The following LY6L variants were observed in gnomAD, a reference collection of about 807,000 sequenced individuals.
LY6L encodes lymphocyte antigen 6 family member L.
Under a neutral mutation model 8.3 loss-of-function variants are expected in LY6L, and 8 were observed. The observed-to-expected ratio is 0.97, with a 90% confidence interval of 0.57 to 1.74. The LOEUF (loss-of-function observed/expected upper bound fraction) is 1.74. LY6L is among the 40% of genes most tolerant of loss of function. The probability of loss-of-function intolerance (pLI) is 0.00; values close to 1 mark genes in which losing one functional copy is unlikely to be tolerated. For missense variants in LY6L, 156 were observed against 183.8 expected (o/e 0.85, Z 0.87); for synonymous variants, 79 against 77.9 (o/e 1.01, Z -0.07).
rs1439144209 is a variant in LY6L at position 143,082,432 on chromosome 8, T to C, written c.198T>C (p.Ser66=). ...SNEVVVSFKW[S]VRVLLSKRCA... is the part of the protein sequence containing the mutation. Reference sequence around the variant, plus strand: ...CTCTCCTCTTTTCTGCAGAATGGAGTGTACGCGTCCTGCTCAGCAAACGCT... The same window carrying C: ...CTCTCCTCTTTTCTGCAGAATGGAGCGTACGCGTCCTGCTCAGCAAACGCT... The change falls in exon 4 of 4, where the codon AGT becomes AGC. Residue 66 remains serine, a synonymous_variant. Transcript: ENST00000562505. 2.0e-6 allele frequency: 3 copies of C among 1,533,058 alleles called. No homozygotes were observed. The highest frequency in any genetic ancestry group is 2.6e-6 in the Non-Finnish European group (3 of 1,144,970). 95.0% of individuals were successfully genotyped at this position (1,533,058 alleles called of 1,614,324 possible). A position where few individuals can be genotyped will look rare whatever the true frequency, so the allele number is the denominator to read the frequency against.
chr8:143,082,863 A>G lies in LY6L; in HGVS notation c.*212A>G. ...TGCTGGAGAACCCCAAGGATTCAGC[A>G]ACTGCTCCTCCTGGGGAAGGACAGT... On this transcript the variant is annotated 3_prime_UTR_variant, in exon 4 of 4. Coordinates refer to ENST00000562505, the MANE Select transcript of LY6L (RefSeq NM_001368160.2). The G allele has an allele frequency of 1.9e-6, 1 of 517,992 alleles. No homozygotes were observed. Among genetic ancestry groups the G allele is most frequent in the Non-Finnish European group, 3.4e-6 (1 of 293,266 alleles). 32.1% of individuals were successfully genotyped at this position (517,992 alleles called of 1,614,324 possible). A position where few individuals can be genotyped will look rare whatever the true frequency, so the allele number is the denominator to read the frequency against.
rs1820410812 is a variant in LY6L at position 143,080,703 on chromosome 8, A to AG, written c.-19+47dup. 8 of 254,004 alleles carry AG rather than the reference A, an allele frequency of 3.1e-5. No homozygotes were observed. The East Asian group carries it at 6.4e-4, about 20-fold the overall frequency. 15.7% of individuals were successfully genotyped at this position (254,004 alleles called of 1,614,324 possible). A position where few individuals can be genotyped will look rare whatever the true frequency, so the allele number is the denominator to read the frequency against. ...GGACTGTGGGCCGGGGGCTGGGATG[A>AG]GGGTCGGGCGAGAACGGGCTCCGAG... On this transcript the variant is annotated intron_variant, in intron 1 of 3. Coordinates refer to ENST00000562505, the MANE Select transcript of LY6L (RefSeq NM_001368160.2).
chr8:143,080,777 G>T (rs929588410), intron 1 of LY6L, 118 bp downstream of exon 1: 20 of 457,264 alleles, frequency 4.4e-5, no homozygotes, highest in Non-Finnish European at 4.6e-5. Flanking sequence ...AGGGCCCAGG[G>T]AGAGGGAATG....
In LY6L at chr8:143,083,291, C is replaced by T. The variant is rs1820467864; in HGVS notation, c.*640C>T. Among the ~76,000 whole-genome samples the T allele has an allele frequency of 6.6e-6, 1 of 152,270 alleles. No individual in the cohort carries two copies. The highest frequency in any genetic ancestry group is 2.4e-5 in the African/African-American group (1 of 41,536). ...GGCCCCTTGCATGAGGCCCCTTGCCCTGAATGCTGTCCAGGACCCTTCGAG... is the reference window on the plus strand; with the variant it reads ...GGCCCCTTGCATGAGGCCCCTTGCCTTGAATGCTGTCCAGGACCCTTCGAG... On this transcript the variant is annotated 3_prime_UTR_variant, in exon 4 of 4. Transcript: ENST00000562505.
rs1434615634 is a variant in LY6L at position 143,082,671 on chromosome 8, C to T, written c.*20C>T. 6.9e-7 allele frequency: 1 copy of T among 1,439,920 alleles called. No homozygotes were observed. The highest frequency in any genetic ancestry group is 2.6e-5 in the Admixed American group (1 of 38,390). The allele number at this position is 1,439,920 out of a possible 1,614,324, so 89.2% of individuals were successfully genotyped here. A position where few individuals can be genotyped will look rare whatever the true frequency, so the allele number is the denominator to read the frequency against. The stretch of plus-strand genomic sequence containing the variant: ...TTGTGAGGGCCCTCCCTTTACGCCC[C>T]CTCCTGGCCCTGCTGGCCCATCCCG... On this transcript the variant is annotated 3_prime_UTR_variant, in exon 4 of 4. Transcript: ENST00000562505.
chr8:143,083,409 A>G lies in LY6L; in HGVS notation c.*758A>G. 6.6e-6 allele frequency among the ~76,000 whole-genome samples: 1 copy of G among 152,142 alleles called. No homozygotes were observed. The highest frequency in any genetic ancestry group is 1.9e-4 in the East Asian group (1 of 5,186). On this transcript the variant is annotated 3_prime_UTR_variant, in exon 4 of 4. Coordinates refer to ENST00000562505, the MANE Select transcript of LY6L (RefSeq NM_001368160.2). Reference sequence around the variant, plus strand: ...TGCCCAAGGGAAACCCAGGAAGGATAACACTGTGGGTGCCCCCACCTGTGC... The same window carrying G: ...TGCCCAAGGGAAACCCAGGAAGGATGACACTGTGGGTGCCCCCACCTGTGC...
intron 1 of LY6L, 72 bp from the exon 2 acceptor site, chr8:143,080,964 T>C (rs1293785452): frequency 1.7e-6 from 2 of 1,175,826 alleles, no homozygotes; most frequent in Admixed American, 4.3e-5. Flanking sequence ...TAAAGCCCCG[T>C]CCGGGAGCAG....
rs1820455160 is a variant in LY6L, at chr8:143,082,786, T to C, written c.*135T>C. Reference sequence around the variant, plus strand: ...CTCTGAGGTGGTGGGGAGGGTGCCATTGCCTCCATCCCGGATCTAGCCACC... The same window carrying C: ...CTCTGAGGTGGTGGGGAGGGTGCCACTGCCTCCATCCCGGATCTAGCCACC... On this transcript the variant is annotated 3_prime_UTR_variant, in exon 4 of 4. Transcript: ENST00000562505. The C allele has an allele frequency of 2.8e-5, 21 of 749,056 alleles. No individual in the cohort carries two copies. Among genetic ancestry groups the C allele is most frequent in the Admixed American group, 6.3e-5 (2 of 31,536 alleles). 46.4% of individuals were successfully genotyped at this position (749,056 alleles called of 1,614,324 possible).
chr8:143,081,805 T>C (rs567686521), intron 3 of LY6L, among the ~76,000 whole-genome samples: 29 of 152,290 alleles, frequency 1.9e-4, no homozygotes, highest in African/African-American at 7.0e-4. Flanking sequence ...TAATGCTACA[T>C]AATACAACAT....
At chr8:143,081,358 C>T in intron 3 of LY6L, 31 bp downstream of exon 3, 1 of 1,390,512 alleles carries the variant, frequency 7.2e-7, no homozygotes, top group South Asian at 1.4e-5. Context: ...GGGCAGGTGC[C>T]AGGTGCCGGG....
At position 143,082,755 on chromosome 8, in the gene LY6L, C is replaced by T; in HGVS notation, c.*104C>T. On this transcript the variant is annotated 3_prime_UTR_variant, in exon 4 of 4. Coordinates refer to ENST00000562505, the MANE Select transcript of LY6L (RefSeq NM_001368160.2). ...CCTTCCAGGACACTGGGGGGGGACC[C>T]TCCCTCTCTGAGGTGGTGGGGAGGG... is the stretch of plus-strand genomic sequence containing the variant. 1.0e-6 allele frequency: 1 copy of T among 972,564 alleles called. No individual in the cohort carries two copies. Among genetic ancestry groups the T allele is most frequent in the Non-Finnish European group, 1.5e-6 (1 of 688,680 alleles). The allele number at this position is 972,564 out of a possible 1,614,324, so 60.2% of individuals were successfully genotyped here.
Position 143,083,275 on chromosome 8 carries a change from C to T in LY6L, c.*624C>T, listed in dbSNP as rs1357031416. 1.3e-5 allele frequency among the ~76,000 whole-genome samples: 2 copies of T among 152,150 alleles called. No individual in the cohort carries two copies. The highest frequency in any genetic ancestry group is 2.9e-5 in the Non-Finnish European group (2 of 68,018). On this transcript the variant is annotated 3_prime_UTR_variant, in exon 4 of 4. Transcript: ENST00000562505. ...GTCTCTGGTGGGCGATGGCCCCTTG[C>T]ATGAGGCCCCTTGCCCTGAATGCTG...
At position 143,083,377 on chromosome 8, in the gene LY6L, C is replaced by T. The variant is rs1820469364; in HGVS notation, c.*726C>T. Among the ~76,000 whole-genome samples, 1 of 152,180 alleles carries T rather than the reference C, an allele frequency of 6.6e-6. No individual in the cohort carries two copies. The highest frequency in any genetic ancestry group is 2.4e-5 in the African/African-American group (1 of 41,422). ...TCCCACTCTGCCTTCCCATTTCCAGCCCCCTCTGCCCAAGGGAAACCCAGG... is the reference window on the plus strand; with the variant it reads ...TCCCACTCTGCCTTCCCATTTCCAGTCCCCTCTGCCCAAGGGAAACCCAGG... On this transcript the variant is annotated 3_prime_UTR_variant, in exon 4 of 4. Transcript: ENST00000562505.
At chr8:143,081,666 A>T (rs896499116) in intron 3 of LY6L, among the ~76,000 whole-genome samples, 3 of 152,170 alleles carry the variant, frequency 2.0e-5, no homozygotes, top group African/African-American at 7.2e-5. Context: ...AGCACAGTAC[A>T]CCTGCCATAC....
At chr8:143,081,718 A>G (rs80248530) in intron 3 of LY6L, among the ~76,000 whole-genome samples, 5,024 of 152,360 alleles carry the variant, frequency 0.033, 137 homozygotes, top group Non-Finnish European at 0.053. Context: ...GATACAGTGT[A>G]TGACAATGTC....
At position 143,082,695 on chromosome 8, in the gene LY6L, C is replaced by T. The variant is rs970492779; in HGVS notation, c.*44C>T. 10 of 1,377,062 alleles carry T rather than the reference C, an allele frequency of 7.3e-6. No individual in the cohort carries two copies. The highest frequency in any genetic ancestry group is 2.5e-4 in the Middle Eastern group (1 of 3,972). The allele number at this position is 1,377,062 out of a possible 1,614,324, so 85.3% of individuals were successfully genotyped here. On this transcript the variant is annotated 3_prime_UTR_variant, in exon 4 of 4. Coordinates refer to ENST00000562505, the MANE Select transcript of LY6L (RefSeq NM_001368160.2). The stretch of plus-strand genomic sequence containing the variant: ...CCCTCCTGGCCCTGCTGGCCCATCC[C>T]GTCTCCTGCCTCCAACTGCCATCCT...
chr8:143,082,754 C>T lies in LY6L; in HGVS notation c.*103C>T, dbSNP rs1176627387. ...CCCTTCCAGGACACTGGGGGGGGACCCTCCCTCTCTGAGGTGGTGGGGAGG... is the reference window on the plus strand; with the variant it reads ...CCCTTCCAGGACACTGGGGGGGGACTCTCCCTCTCTGAGGTGGTGGGGAGG... On this transcript the variant is annotated 3_prime_UTR_variant, in exon 4 of 4. Transcript: ENST00000562505. The T allele has an allele frequency of 2.1e-6, 2 of 972,892 alleles. No individual in the cohort carries two copies. The highest frequency in any genetic ancestry group is 2.9e-6 in the Non-Finnish European group (2 of 689,264). The allele number at this position is 972,892 out of a possible 1,614,324, so 60.3% of individuals were successfully genotyped here. A position where few individuals can be genotyped will look rare whatever the true frequency, so the allele number is the denominator to read the frequency against.
In LY6L at chr8:143,082,751, G is replaced by A. The variant is rs888496032; in HGVS notation, c.*100G>A. On this transcript the variant is annotated 3_prime_UTR_variant, in exon 4 of 4. Coordinates refer to ENST00000562505, the MANE Select transcript of LY6L (RefSeq NM_001368160.2). Reference sequence around the variant, plus strand: ...CGCCCCTTCCAGGACACTGGGGGGGGACCCTCCCTCTCTGAGGTGGTGGGG... The same window carrying A: ...CGCCCCTTCCAGGACACTGGGGGGGAACCCTCCCTCTCTGAGGTGGTGGGG... The A allele has an allele frequency of 2.8e-5, 28 of 993,772 alleles. No homozygotes were observed. The highest frequency in any genetic ancestry group is 6.1e-5 in the Admixed American group (2 of 33,002). The allele number at this position is 993,772 out of a possible 1,614,324, so 61.6% of individuals were successfully genotyped here.
At position 143,082,652 on chromosome 8, in the gene LY6L, G is replaced by C. The variant is rs770260047; in HGVS notation, c.*1G>C. On this transcript the variant is annotated 3_prime_UTR_variant, in exon 4 of 4. Transcript: ENST00000562505. ...CAGCCTCCTCAGGGCCCTGTTGTGA[G>C]GGCCCTCCCTTTACGCCCCCTCCTG... 276 of 1,474,598 alleles carry C rather than the reference G, an allele frequency of 1.9e-4. 1 individual carries two copies. Among genetic ancestry groups the C allele is most frequent in the Non-Finnish European group, 2.3e-4 (261 of 1,114,534 alleles). 91.3% of individuals were successfully genotyped at this position (1,474,598 alleles called of 1,614,324 possible). A position where few individuals can be genotyped will look rare whatever the true frequency, so the allele number is the denominator to read the frequency against.
Sources: gnomAD v4.1 joint callset for allele counts (sites outside exome capture counted in the v4.1 genomes callset) on GRCh38, gnomAD v4.1.1 for gene constraint, MANE v1.5 for transcripts, NCBI Gene and HGNC (gene_info 2026-07-23, HGNC 2026-07-21) for gene names.